TPM1: variants seen among roughly 807,000 people sequenced by gnomAD.
TPM1 encodes the protein tropomyosin alpha-1 chain.
Under a neutral mutation model 42.9 loss-of-function variants are expected in TPM1, and 24 were observed. The ratio of observed to expected loss-of-function variants is 0.56; its 90% CI spans 0.41 to 0.79. TPM1 has a LOEUF of 0.79. Ranked by LOEUF, TPM1 falls within the 30% of genes least tolerant of loss-of-function variation. The probability of loss-of-function intolerance (pLI) is 0.00; values close to 1 mark genes in which losing one functional copy is unlikely to be tolerated. For synonymous variants in TPM1, 136 were observed against 130.1 expected (o/e 1.05, Z -0.31); for missense variants, 158 against 351.8 (o/e 0.45, Z 4.41).
At chr15:63,069,916 A>G (rs187444963), downstream of TPM1, 1 of 1,614,142 alleles carries the variant, frequency 6.2e-7, no homozygotes, top group East Asian at 2.2e-5. Flanking sequence ...TCACTAATGA[A>G]CTAAAGCTGG....
intron 7 of TPM1, 42 bp downstream of exon 7, chr15:63,062,319 G>T (rs756733172): frequency 6.9e-6 from 11 of 1,591,566 alleles, no homozygotes; most frequent in Non-Finnish European, 9.5e-6. Flanking sequence ...GATTTTAAAT[G>T]AGTTTGTTTT....
At chr15:63,067,883 G>A (rs1225576401), downstream of TPM1, among the ~76,000 whole-genome samples, 1 of 152,200 alleles carries the variant, frequency 6.6e-6, no homozygotes, top group Non-Finnish European at 1.5e-5. Flanking sequence ...AAGGATATGA[G>A]CATGTCTTGT....
At chr15:63,066,941 C>G (rs536105851), downstream of TPM1, among the ~76,000 whole-genome samples, 29 of 151,764 alleles carry the variant, frequency 1.9e-4, no homozygotes, top group Admixed American at 3.9e-4. Context: ...GTTCAGAAGA[C>G]AATTGTATTT....
chr15:63,070,292 A>ATATG, downstream of TPM1: 1 of 671,670 alleles, frequency 1.5e-6, no homozygotes, highest in Non-Finnish European at 1.8e-6. Context: ...TTAAGTATGT[A>ATATG]TATATATATA....
chr15:63,044,374 C>G, intron 2 of TPM1: 6 of 709,278 alleles, frequency 8.5e-6, no homozygotes, highest in Non-Finnish European at 1.2e-5. Flanking sequence ...CTTTACCTCC[C>G]TGGGGGTGGA....
downstream of TPM1, chr15:63,069,756 G>A: frequency 7.5e-7 from 1 of 1,334,744 alleles, no homozygotes; most frequent in Non-Finnish European, 1.1e-6. Flanking sequence ...CAAGTGACCA[G>A]TTGCTGTCCT....
chr15:63,070,901 C>G, downstream of TPM1: 2 of 1,383,748 alleles, frequency 1.4e-6, no homozygotes, highest in Middle Eastern at 1.9e-4. Context: ...GCCATGGCTC[C>G]TTTGGGTCAA....
At chr15:63,048,752 T>C in intron 2 of TPM1, 1 of 1,520,414 alleles carries the variant, frequency 6.6e-7, no homozygotes, top group South Asian at 1.2e-5. Flanking sequence ...AGGCGCATCC[T>C]CCCGGGGCAG....
At chr15:63,044,348 CTCT>C (rs1306933226) in intron 2 of TPM1, 196 bp downstream of exon 2, 33 of 791,234 alleles carry the variant, frequency 4.2e-5, no homozygotes, top group African/African-American at 6.8e-5. Flanking sequence ...ATCCACTCCT[CTCT>C]TCTTCTCCTT....
intron 2 of TPM1, chr15:63,048,442 G>A (rs1367324758): frequency 1.5e-6 from 2 of 1,351,516 alleles, no homozygotes; most frequent in East Asian, 3.1e-5. Flanking sequence ...CGCAGGGGGC[G>A]CCGCCATCGC....
At chr15:63,070,200 A>C, downstream of TPM1, 1 of 1,267,930 alleles carries the variant, frequency 7.9e-7, no homozygotes, top group Non-Finnish European at 1.0e-6. Flanking sequence ...TTGAAATAGC[A>C]GGTCCTCTTG....
At chr15:63,068,579 A>G (rs2036415330), downstream of TPM1, among the ~76,000 whole-genome samples, 1 of 152,136 alleles carries the variant, frequency 6.6e-6, no homozygotes, top group Non-Finnish European at 1.5e-5. Context: ...TTTCAAGATC[A>G]TGAAGTATTT....
rs1353015491 is a variant in TPM1 at position 63,057,891 on chromosome 15, G to A, written c.374+773G>A. ...CCATGAGGTGAGAGAGCGTTCTGCCGCTTGAGGGATGGCATAGCATGAAGG... is the reference window on the plus strand; with the variant it reads ...CCATGAGGTGAGAGAGCGTTCTGCCACTTGAGGGATGGCATAGCATGAAGG... On this transcript the variant is annotated intron_variant, in intron 3 of 9. Coordinates refer to ENST00000403994, the MANE Select transcript of TPM1 (RefSeq NM_001018005.2). 3.3e-5 allele frequency among the ~76,000 whole-genome samples: 5 copies of A among 152,188 alleles called. No individual in the cohort carries two copies. The East Asian group carries it at 5.8e-4, about 18-fold the overall frequency.
At position 63,044,345 on chromosome 15, in the gene TPM1, CCT is replaced by C. The variant is rs2031930783; in HGVS notation, c.240+198_240+199del. On this transcript the variant is annotated intron_variant, in intron 2 of 9. Transcript: ENST00000403994. ...CACATTCATTTATATTTCATCCACTCCTCTCTTCTTCTCCTTTCCTTTACCTC... is the reference window on the plus strand; with the variant it reads ...CACATTCATTTATATTTCATCCACTCCTCTTCTTCTCCTTTCCTTTACCTC... 1.4e-5 allele frequency: 11 copies of C among 806,658 alleles called. No homozygotes were observed. In the East Asian group the frequency reaches 2.9e-4, roughly 22 times the overall value. 50.0% of individuals were successfully genotyped at this position (806,658 alleles called of 1,614,324 possible). A position where few individuals can be genotyped will look rare whatever the true frequency, so the allele number is the denominator to read the frequency against.
intron 8 of TPM1, chr15:63,063,809 T>G: frequency 2.0e-6 from 1 of 491,428 alleles, no homozygotes; most frequent in African/African-American, 1.9e-5. Flanking sequence ...ACCTACCATA[T>G]TTGTTAGGAT....
chr15:63,045,867 C>CT (rs1250425341), intron 2 of TPM1: 1 of 152,178 alleles, frequency 6.6e-6, no homozygotes, highest in African/African-American at 2.4e-5. Context: ...CACCGGGAAA[C>CT]TGCCCCTAAA....
chr15:63,049,729 T>C (rs796732453), intron 2 of TPM1, among the ~76,000 whole-genome samples: 13 of 152,288 alleles, frequency 8.5e-5, no homozygotes, highest in African/African-American at 2.4e-4. Context: ...CCTGAAATGG[T>C]CCTCTTCAGA....
At chr15:63,048,249 G>A in intron 2 of TPM1, 1 of 501,838 alleles carries the variant, frequency 2.0e-6, no homozygotes. Flanking sequence ...GCCTCCCGGA[G>A]CGCCCAGCTC....
chr15:63,071,748 A>G lies in TPM1; in HGVS notation c.*576A>G, dbSNP rs531262849. 1.8e-4 allele frequency: 29 copies of G among 161,912 alleles called. No individual in the cohort carries two copies. The South Asian group carries it at 4.6e-3, about 26-fold the overall frequency. 10.0% of individuals were successfully genotyped at this position (161,912 alleles called of 1,614,324 possible). ...ATTGGCACACGTGCAGCTCATGACA[A>G]TCTGTAGGATAACAATCAGTGTGGA... On this transcript the variant is annotated 3_prime_UTR_variant, in exon 9 of 9. Coordinates refer to the TPM1 transcript ENST00000267996.
Sources: gnomAD v4.1 joint callset for allele counts (sites outside exome capture counted in the v4.1 genomes callset) on GRCh38, gnomAD v4.1.1 for gene constraint, MANE v1.5 for transcripts, NCBI Gene and HGNC (gene_info 2026-07-23, HGNC 2026-07-21) for gene names.